Variants in SHQ1 observed in about 807,000 individuals in gnomAD.
SHQ1 encodes the protein SHQ1, H/ACA ribonucleoprotein assembly factor.
A neutral mutation model predicts 53.8 loss-of-function variants in SHQ1; 49 were observed. The observed-to-expected ratio is 0.91, with a 90% CI of 0.72 to 1.16. The LOEUF (loss-of-function observed/expected upper bound fraction) is 1.16, where lower values mean the gene tolerates loss of function less well. SHQ1 is among the 50% of genes most tolerant of loss of function. The pLI is 0.00. For synonymous variants in SHQ1, 243 were observed against 251.0 expected, an observed-to-expected ratio of 0.97 and a Z score of 0.30; for missense variants, 738 against 683.1, an observed-to-expected ratio of 1.08 and a Z score of -0.90.
Position 72,826,787 on chromosome 3 carries a change from C to T in SHQ1, c.600-2236G>A, listed in dbSNP as rs1707671676. On this transcript the variant is annotated intron_variant, in intron 5 of 10. Transcript: ENST00000325599. The stretch of plus-strand genomic sequence containing the variant: ...TGGCGAAGGCTAGAAAACAAGAAGG[C>T]ACATTTAAGGGAAAAAAAGTTGAAA... 1.3e-5 allele frequency among the ~76,000 whole-genome samples: 2 copies of T among 152,086 alleles called. 1 individual carries two copies. Among genetic ancestry groups the T allele is most frequent in the Non-Finnish European group, 2.9e-5 (2 of 68,014 alleles).
At chr3:72,743,485 A>G in the SHQ1 span, among the ~76,000 whole-genome samples, 3 of 152,226 alleles carry the variant, frequency 2.0e-5, no homozygotes, top group African/African-American at 7.2e-5. Flanking sequence ...CCAGACCCGG[A>G]AGAAGGAGGA....
the SHQ1 span, among the ~76,000 whole-genome samples, chr3:72,735,427 G>A: frequency 1.4e-5 from 2 of 141,338 alleles, no homozygotes; most frequent in Admixed American, 1.5e-4. Context: ...TAGTGGCCCA[G>A]ACTGGGACTG....
At chr3:72,794,806 T>G (rs1196242818) in intron 9 of SHQ1, 1 of 152,274 alleles carries the variant, frequency 6.6e-6, no homozygotes, top group Non-Finnish European at 1.5e-5. Flanking sequence ...CGGGAAGTTC[T>G]GGGCTGACTT....
chr3:72,778,119 C>A (rs1475062861), intron 10 of SHQ1, among the ~76,000 whole-genome samples: 22 of 151,934 alleles, frequency 1.4e-4, no homozygotes, highest in Non-Finnish European at 7.4e-5. Flanking sequence ...GGGAATGGTC[C>A]CATAGGGAAT....
intron 9 of SHQ1, among the ~76,000 whole-genome samples, chr3:72,812,166 T>C (rs900097285): frequency 7.9e-5 from 12 of 152,224 alleles, no homozygotes; most frequent in Non-Finnish European, 2.9e-5. Flanking sequence ...TTGGAAAATC[T>C]TTCTTGACAT....
intron 10 of SHQ1, chr3:72,753,269 G>A (rs1021937486): frequency 1.6e-5 from 16 of 985,220 alleles, no homozygotes; most frequent in East Asian, 1.1e-4. Context: ...ACTGGATGAC[G>A]GTGAGTTTAC....
chr3:72,737,315 G>C, the SHQ1 span, among the ~76,000 whole-genome samples: 4 of 151,896 alleles, frequency 2.6e-5, no homozygotes, highest in Non-Finnish European at 5.9e-5. Flanking sequence ...AATTAAAAAG[G>C]TACTGTAGGG....
At chr3:72,737,230 A>AT in the SHQ1 span, among the ~76,000 whole-genome samples, 1 of 152,230 alleles carries the variant, frequency 6.6e-6, no homozygotes, top group South Asian at 2.1e-4. Context: ...GTGAGCTGAG[A>AT]TCGTGCCACT....
the SHQ1 span, among the ~76,000 whole-genome samples, chr3:72,735,140 T>C: frequency 6.6e-6 from 1 of 151,890 alleles, no homozygotes; most frequent in East Asian, 1.9e-4. Context: ...AGTGATAAGC[T>C]GCTCTCCTTT....
At chr3:72,755,668 G>T (rs1025685844) in intron 10 of SHQ1, among the ~76,000 whole-genome samples, 3 of 152,096 alleles carry the variant, frequency 2.0e-5, no homozygotes, top group African/African-American at 7.2e-5. Flanking sequence ...TGAAAGAGTA[G>T]CTGTTTTGTT....
In SHQ1 at chr3:72,791,721, G is replaced by A. The variant is rs922670131; in HGVS notation, c.1181+1195C>T. On this transcript the variant is annotated intron_variant, in intron 10 of 10. Coordinates refer to ENST00000325599, the MANE Select transcript of SHQ1 (RefSeq NM_018130.3). ...GTTCCCTTTATAGGTTTTTTGTTTT[G>A]TTTTTTTTTTAATACAGACAGGGTC... 7.8e-4 allele frequency among the ~76,000 whole-genome samples: 116 copies of A among 148,600 alleles called. 1 individual carries two copies. Among genetic ancestry groups the A allele is most frequent in the Non-Finnish European group, 6.0e-5 (4 of 66,816 alleles).
intron 10 of SHQ1, among the ~76,000 whole-genome samples, chr3:72,752,501 T>C (rs141492125): frequency 0.011 from 1,703 of 152,294 alleles, 27 homozygotes; most frequent in African/African-American, 0.039. Context: ...TTTTTCTTTT[T>C]ATGAGAAAAC....
chr3:72,792,679 G>GGAGGCA lies in SHQ1; in HGVS notation c.1181+231_1181+236dup, dbSNP rs550086952. On this transcript the variant is annotated intron_variant, in intron 10 of 10. Transcript: ENST00000325599. ...ACACGCCTGTAATCCCAGCTACTCGGGAGGCAGAGGCACAAGAATCACTTG... is the reference window on the plus strand; with the variant it reads ...ACACGCCTGTAATCCCAGCTACTCGGGAGGCAGAGGCAGAGGCACAAGAATCACTTG... 5.9e-5 allele frequency among the ~76,000 whole-genome samples: 9 copies of GGAGGCA among 151,712 alleles called. No individual in the cohort carries two copies. The East Asian group carries it at 1.7e-3, about 29-fold the overall frequency.
At chr3:72,848,101 C>A (rs1421360758) in intron 1 of SHQ1, 97 bp downstream of exon 1, 7 of 1,454,138 alleles carry the variant, frequency 4.8e-6, no homozygotes, top group South Asian at 1.2e-5. Context: ...AAAAGGCATT[C>A]GCGCAATCGA....
At chr3:72,836,638 A>T (rs1246690002) in intron 4 of SHQ1, among the ~76,000 whole-genome samples, 25 of 152,230 alleles carry the variant, frequency 1.6e-4, no homozygotes, top group Non-Finnish European at 8.8e-5. Flanking sequence ...TTCTATGCAC[A>T]GTCACATGCA....
intron 9 of SHQ1, among the ~76,000 whole-genome samples, chr3:72,800,459 C>T (rs1706753570): frequency 6.6e-6 from 1 of 151,934 alleles, no homozygotes; most frequent in South Asian, 2.1e-4. Context: ...AAGCAGTTGG[C>T]CAAGATCACA....
intron 10 of SHQ1, chr3:72,752,828 A>AT (rs1329567244): frequency 4.2e-5 from 11 of 264,324 alleles, no homozygotes; most frequent in East Asian, 1.8e-4. Context: ...GGCCCAGCTA[A>AT]TTTTTTTTGT....
intron 10 of SHQ1, among the ~76,000 whole-genome samples, chr3:72,789,839 T>A (rs1706382942): frequency 6.6e-6 from 1 of 152,220 alleles, no homozygotes; most frequent in South Asian, 2.1e-4. Context: ...AAGACAGATG[T>A]TTCATTCATT....
At chr3:72,748,971 G>GCACACACA (rs34002344), downstream of SHQ1, among the ~76,000 whole-genome samples, 24 of 144,062 alleles carry the variant, frequency 1.7e-4, no homozygotes, top group African/African-American at 5.5e-4. Flanking sequence ...ACACGCACAC[G>GCACACACA]CACACACACA....
Sources: gnomAD v4.1 joint callset for allele counts (sites outside exome capture counted in the v4.1 genomes callset) on GRCh38, gnomAD v4.1.1 for gene constraint, MANE v1.5 for transcripts, NCBI Gene and HGNC (gene_info 2026-07-23, HGNC 2026-07-21) for gene names.